The following SERPINA12 variants were observed in gnomAD, a reference collection of about 807,000 sequenced individuals.
The protein encoded by SERPINA12 is serpin A12.
SERPINA12 carries 21 observed loss-of-function variants against 25.9 expected under a neutral mutation model. That is an observed-to-expected ratio of 0.81 (90% confidence interval 0.58 to 1.17). The LOEUF is 1.17. SERPINA12 is among the 50% of genes most tolerant of loss of function. SERPINA12 has a pLI of 0.00. For synonymous variants in SERPINA12, 220 were observed against 196.0 expected, an observed-to-expected ratio of 1.12 and a Z score of -1.02; for missense variants, 562 against 508.3, an observed-to-expected ratio of 1.11 and a Z score of -1.02.
At position 94,498,137 on chromosome 14, in the gene SERPINA12, G is replaced by T; in HGVS notation, c.261C>A (p.Cys87Ter). The stretch of plus-strand genomic sequence containing the variant: ...CCAGGGTGCTGTCCTGGGCACCCAG[G>T]CACAGCATGGAGAAAGCTGTAGAGA... The part of the protein sequence containing the change: ...LSISTAFSML[C>*]LGAQDSTLDE... Residue 87 changes from cysteine to a stop codon, truncating the protein, a stop_gained, in exon 2 of 5, where the codon TGC becomes TGA. Coordinates refer to ENST00000677451, the MANE Select transcript of SERPINA12 (RefSeq NM_001382267.1). LOFTEE classifies it high-confidence loss of function. The T allele has an allele frequency of 6.2e-7, 1 of 1,614,146 alleles. No individual in the cohort carries two copies. Among genetic ancestry groups the T allele is most frequent in the Non-Finnish European group, 8.5e-7 (1 of 1,180,022 alleles).
rs775357079 is a variant in SERPINA12 at position 94,497,861 on chromosome 14, G to C, written c.537C>G (p.Asp179Glu). Residue 179 changes from aspartate to glutamate, a missense_variant, in exon 2 of 5, where the codon GAC (aspartate) becomes GAG (glutamate). Coordinates refer to ENST00000677451, the MANE Select transcript of SERPINA12 (RefSeq NM_001382267.1). ...NLEMAQKQIN[D>E]FISQKTHGKI... ...TCCCATGGGTTTTTTGACTGATAAA[G>C]TCATTGATCTGCTTCTGAGCCATTT... is the stretch of plus-strand genomic sequence containing the variant. 3 of 1,614,112 alleles carry C rather than the reference G, an allele frequency of 1.9e-6. No homozygotes were observed. The highest frequency in any genetic ancestry group is 1.7e-6 in the Non-Finnish European group (2 of 1,180,004).
chr14:94,509,994 G>A (rs866454794), upstream of SERPINA12: 1 of 985,356 alleles, frequency 1.0e-6, no homozygotes, highest in South Asian at 4.7e-5. Flanking sequence ...CACCTCCCAG[G>A]TGCAGCCTGG....
upstream of SERPINA12, among the ~76,000 whole-genome samples, chr14:94,513,413 G>T (rs1901157509): frequency 6.6e-6 from 1 of 152,228 alleles, no homozygotes; most frequent in Non-Finnish European, 1.5e-5. Context: ...GGGAGGACCT[G>T]AGAGCGGGAA....
chr14:94,501,670 C>T (rs1364823898), intron 1 of SERPINA12, among the ~76,000 whole-genome samples: 1 of 131,306 alleles, frequency 7.6e-6, no homozygotes, highest in Non-Finnish European at 1.6e-5. Context: ...CTCCCCGCCC[C>T]CCCACCCCCG....
At chr14:94,503,151 A>G in intron 1 of SERPINA12, 1 of 955,894 alleles carries the variant, frequency 1.0e-6, no homozygotes, top group Non-Finnish European at 1.2e-6. Context: ...CTCTATATAC[A>G]TCAGAAATTA....
In SERPINA12 at chr14:94,509,360, C is replaced by T. The variant is rs1901044779; in HGVS notation, c.-52G>A. Among the ~76,000 whole-genome samples, 1 of 151,656 alleles carries T rather than the reference C, an allele frequency of 6.6e-6. No individual in the cohort carries two copies. The highest frequency in any genetic ancestry group is 2.1e-4 in the South Asian group (1 of 4,784). On this transcript the variant is annotated 5_prime_UTR_variant, in exon 1 of 5. Coordinates refer to ENST00000677451, the MANE Select transcript of SERPINA12 (RefSeq NM_001382267.1). Reference sequence around the variant, plus strand: ...GACTAACCTCACCTCCCCAGTTTCTCCTTTCCCCTCAGGTCAGTCTTCCTT... The same window carrying T: ...GACTAACCTCACCTCCCCAGTTTCTTCTTTCCCCTCAGGTCAGTCTTCCTT...
intron 1 of SERPINA12, chr14:94,501,014 A>G (rs1181269768): frequency 1.1e-5 from 11 of 984,918 alleles, no homozygotes; most frequent in South Asian, 4.7e-5. Flanking sequence ...TTCTACCCCC[A>G]AAAACCACTT....
At position 94,489,726 on chromosome 14, in the gene SERPINA12, G is replaced by GAGTC; in HGVS notation, c.946_947insGACT (p.Thr316ArgfsTer19). The GAGTC allele has an allele frequency of 6.2e-7, 1 of 1,614,158 alleles. No individual in the cohort carries two copies. The highest frequency in any genetic ancestry group is 8.5e-7 in the Non-Finnish European group (1 of 1,180,020). ...GGAGAGAGTCTTCTTCAGGTCGAAG[G>GAGTC]TGCCCGTCATGTGGAGTCTGGGTAC... On this transcript the variant is annotated frameshift_variant, in exon 4 of 5. Coordinates refer to ENST00000677451, the MANE Select transcript of SERPINA12 (RefSeq NM_001382267.1). LOFTEE classifies it high-confidence loss of function.
At chr14:94,510,456 A>T (rs973586497), upstream of SERPINA12, among the ~76,000 whole-genome samples, 2 of 152,218 alleles carry the variant, frequency 1.3e-5, no homozygotes, top group African/African-American at 4.8e-5. Flanking sequence ...AAAATAAAAA[A>T]AATAGATGTT....
chr14:94,497,218 C>T (rs933766323), intron 2 of SERPINA12, among the ~76,000 whole-genome samples: 2 of 152,110 alleles, frequency 1.3e-5, no homozygotes, highest in Non-Finnish European at 2.9e-5. Context: ...CTGTCTCTCT[C>T]CATCAGATCT....
chr14:94,492,433 T>G (rs896619694), intron 3 of SERPINA12, among the ~76,000 whole-genome samples: 1 of 152,200 alleles, frequency 6.6e-6, no homozygotes, highest in Admixed American at 6.5e-5. Context: ...CAGGCCTGCC[T>G]GCACAGAAGG....
At chr14:94,497,220 A>G (rs1900466661) in intron 2 of SERPINA12, among the ~76,000 whole-genome samples, 1 of 152,170 alleles carries the variant, frequency 6.6e-6, no homozygotes, top group South Asian at 2.1e-4. Context: ...GTCTCTCTCC[A>G]TCAGATCTGG....
upstream of SERPINA12, among the ~76,000 whole-genome samples, chr14:94,511,144 C>CA (rs1901098832): frequency 6.6e-6 from 1 of 151,928 alleles, no homozygotes; most frequent in Non-Finnish European, 1.5e-5. Flanking sequence ...TCGCAAACTG[C>CA]AAAAAAGCCC....
upstream of SERPINA12, among the ~76,000 whole-genome samples, chr14:94,513,544 C>G (rs1326948403): frequency 1.3e-5 from 2 of 152,092 alleles, no homozygotes; most frequent in African/African-American, 4.8e-5. Context: ...ATTTCCTCAC[C>G]CATAAAACTG....
chr14:94,514,861 G>A (rs1480755749), intron 2 of SERPINA12, among the ~76,000 whole-genome samples: 1 of 152,192 alleles, frequency 6.6e-6, no homozygotes, highest in African/African-American at 2.4e-5. Flanking sequence ...GTGGAGGTGG[G>A]CAAGGATTAG....
exon 1 of SERPINA12, chr14:94,517,501 G>A (rs534434876): frequency 2.6e-5 from 4 of 152,310 alleles, no homozygotes; most frequent in African/African-American, 7.2e-5. Flanking sequence ...GATCACCATC[G>A]TCCCAGTGTG....
chr14:94,509,987 C>T, upstream of SERPINA12: 6 of 985,458 alleles, frequency 6.1e-6, no homozygotes, highest in Non-Finnish European at 7.2e-6. Context: ...CCTCTCTCAC[C>T]TCCCAGGTGC....
chr14:94,496,556 A>G lies in SERPINA12; in HGVS notation c.722T>C (p.Met241Thr). 1 of 1,614,118 alleles carries G rather than the reference A, an allele frequency of 6.2e-7. No individual in the cohort carries two copies. ...AACTTGGTATATGCCACTACGGAAC[A>G]TCATGGGCACCTTGACTGAACTGTT... is the stretch of plus-strand genomic sequence containing the variant. ...EKNSSVKVPM[M>T]FRSGIYQVGY... Residue 241 changes from methionine (M) to threonine (T), a missense_variant, in exon 3 of 5, where the codon ATG becomes ACG. Met to Thr is a moderately conservative substitution (Grantham distance 81). Coordinates refer to ENST00000677451, the MANE Select transcript of SERPINA12 (RefSeq NM_001382267.1).
chr14:94,505,333 G>A (rs1252771660), intron 1 of SERPINA12, among the ~76,000 whole-genome samples: 1 of 152,190 alleles, frequency 6.6e-6, no homozygotes, highest in Non-Finnish European at 1.5e-5. Flanking sequence ...GATGAACAAG[G>A]ACATGGGGAT....
Sources: allele counts gnomAD v4.1 joint callset (sites outside exome capture counted in the v4.1 genomes callset), GRCh38; gene constraint gnomAD v4.1.1; transcripts MANE v1.5; gene names NCBI Gene and HGNC (gene_info 2026-07-23, HGNC 2026-07-21).